Variants in PRSS23 observed in about 807,000 individuals in gnomAD.
The protein encoded by PRSS23 is serine protease 23.
Under a neutral mutation model 34.7 loss-of-function variants are expected in PRSS23, and 25 were observed. That is an observed-to-expected ratio of 0.72 (90% confidence interval 0.53 to 1.01). The LOEUF (loss-of-function observed/expected upper bound fraction) is 1.01, where lower values mean the gene tolerates loss of function less well. PRSS23 is among the 50% of genes least tolerant of loss of function. The pLI is 0.00. For synonymous variants in PRSS23, 176 were observed against 186.6 expected (o/e 0.94, Z 0.46); for missense variants, 445 against 475.6 (o/e 0.94, Z 0.60).
At position 86,934,707 on chromosome 11, in the gene PRSS23, C is replaced by CT. The variant is rs1474411821; in HGVS notation, c.207-16508dup. 4 of 152,396 alleles carry CT rather than the reference C, an allele frequency of 2.6e-5. No homozygotes were observed. In the East Asian group the frequency reaches 7.7e-4, roughly 29 times the overall value. 9.4% of individuals were successfully genotyped at this position (152,396 alleles called of 1,614,324 possible). A position where few individuals can be genotyped will look rare whatever the true frequency, so the allele number is the denominator to read the frequency against. ...TCAAGTTTTTGTTTTTCTTCCCAAG[C>CT]TGGTTCCTTACAAATGCATCCAGAA... On this transcript the variant is annotated intron_variant, in intron 2 of 2. Coordinates refer to the PRSS23 transcript ENST00000533902.
At chr11:86,852,167 C>T (rs780047591) in intron 2 of PRSS23, among the ~76,000 whole-genome samples, 2 of 152,058 alleles carry the variant, frequency 1.3e-5, no homozygotes, top group African/African-American at 2.4e-5. Context: ...GCGTGGTGCA[C>T]GATGGAGTCT....
At chr11:86,822,355 T>A (rs1300842838) in intron 1 of PRSS23, among the ~76,000 whole-genome samples, 1 of 152,190 alleles carries the variant, frequency 6.6e-6, no homozygotes, top group Non-Finnish European at 1.5e-5. Context: ...GCATGGTGGC[T>A]CACGCCTGTA....
intron 2 of PRSS23, among the ~76,000 whole-genome samples, chr11:86,931,162 T>A (rs1029780749): frequency 2.0e-5 from 3 of 152,234 alleles, no homozygotes; most frequent in African/African-American, 7.2e-5. Flanking sequence ...CAAACTACTT[T>A]GGAAAACTGT....
At chr11:86,896,540 C>T (rs1056003578) in intron 2 of PRSS23, 1 of 152,198 alleles carries the variant, frequency 6.6e-6, no homozygotes, top group Non-Finnish European at 1.5e-5. Context: ...AGGTTTAGAT[C>T]CTGCATGATA....
intron 2 of PRSS23, chr11:86,832,835 C>A: frequency 3.4e-6 from 1 of 298,396 alleles, no homozygotes; most frequent in Non-Finnish European, 6.5e-6. Context: ...AGGAAGAAAA[C>A]CAAATATGGC....
At chr11:86,928,451 A>T (rs1949098267) in intron 2 of PRSS23, among the ~76,000 whole-genome samples, 2 of 148,266 alleles carry the variant, frequency 1.3e-5, no homozygotes, top group South Asian at 4.2e-4. Context: ...TGAGGCAGGC[A>T]GATCATGAGG....
chr11:86,879,660 T>G, intron 2 of PRSS23, among the ~76,000 whole-genome samples: 1 of 114,078 alleles, frequency 8.8e-6, no homozygotes, highest in Non-Finnish European at 1.8e-5. Flanking sequence ...AGCCGCCCCG[T>G]CCGGGAAGGA....
chr11:86,813,628 CAGA>C (rs1244768471), downstream of PRSS23, among the ~76,000 whole-genome samples: 3 of 152,144 alleles, frequency 2.0e-5, no homozygotes, highest in Non-Finnish European at 4.4e-5. Flanking sequence ...ATTTTAAAAT[CAGA>C]AGAAGAAAGT....
intron 2 of PRSS23, among the ~76,000 whole-genome samples, chr11:86,902,452 G>A (rs1214009044): frequency 1.3e-5 from 2 of 152,166 alleles, no homozygotes; most frequent in African/African-American, 4.8e-5. Flanking sequence ...CCTCACCCAA[G>A]CTTCGGCCAC....
At chr11:86,824,614 A>T (rs959210031) in intron 2 of PRSS23, among the ~76,000 whole-genome samples, 3 of 141,306 alleles carry the variant, frequency 2.1e-5, no homozygotes, top group African/African-American at 5.2e-5. Flanking sequence ...TATCTCCTAA[A>T]GCTATCCCTC....
intron 2 of PRSS23, among the ~76,000 whole-genome samples, chr11:86,912,829 A>T (rs896092205): frequency 6.6e-6 from 1 of 152,148 alleles, no homozygotes; most frequent in African/African-American, 2.4e-5. Context: ...TCTTTATAAT[A>T]ATTTTGGATT....
rs1346009599 is a variant in PRSS23, at chr11:86,939,424, A to ATT, written c.207-11791_207-11790insTT. Among the ~76,000 whole-genome samples, 174 of 83,972 alleles carry ATT rather than the reference A, an allele frequency of 2.1e-3. 1 individual carries two copies. Among genetic ancestry groups the ATT allele is most frequent in the African/African-American group, 5.4e-3 (152 of 28,016 alleles). 55.1% of individuals were successfully genotyped at this position (83,972 alleles called of 152,430 possible). Reference sequence around the variant, plus strand: ...AAAAAATATATATATATATATATATATATTTTTTAACATGAGTAAAAATTG... The same window carrying ATT: ...AAAAAATATATATATATATATATATATTTATTTTTTAACATGAGTAAAAATTG... On this transcript the variant is annotated intron_variant, in intron 2 of 2. Coordinates refer to the PRSS23 transcript ENST00000533902.
At chr11:86,881,017 T>A (rs1948769036) in intron 2 of PRSS23, among the ~76,000 whole-genome samples, 1 of 152,192 alleles carries the variant, frequency 6.6e-6, no homozygotes, top group African/African-American at 2.4e-5. Context: ...TCCTTTCCAA[T>A]CTCGATTATT....
chr11:86,858,841 T>C (rs1016278161), intron 2 of PRSS23, among the ~76,000 whole-genome samples: 1 of 151,274 alleles, frequency 6.6e-6, no homozygotes, highest in African/African-American at 2.4e-5. Context: ...AGGGAGAGGA[T>C]AATATTACAT....
At position 86,951,586 on chromosome 11, in the gene PRSS23, G is replaced by A. The variant is rs747925802; in HGVS notation, c.*301G>A. Reference sequence around the variant, plus strand: ...AATAAGTAAAGAGGGGAGCCACCACGAACCCGGTGAGGGCATCGAGATTTT... The same window carrying A: ...AATAAGTAAAGAGGGGAGCCACCACAAACCCGGTGAGGGCATCGAGATTTT... On this transcript the variant is annotated 3_prime_UTR_variant, in exon 3 of 3. Coordinates refer to the PRSS23 transcript ENST00000533902. The A allele has an allele frequency of 1.7e-5, 27 of 1,613,854 alleles. No homozygotes were observed. In the African/African-American group the frequency reaches 2.1e-4, roughly 13 times the overall value.
intron 2 of PRSS23, among the ~76,000 whole-genome samples, chr11:86,908,044 G>A (rs1948955298): frequency 6.6e-6 from 1 of 152,168 alleles, no homozygotes; most frequent in Non-Finnish European, 1.5e-5. Context: ...TGTTGCATAT[G>A]GCAGGATTTC....
chr11:86,939,422 A>ATTTT (rs1395492928), intron 2 of PRSS23, among the ~76,000 whole-genome samples: 28 of 88,716 alleles, frequency 3.2e-4, no homozygotes, highest in African/African-American at 9.9e-4. Flanking sequence ...ATATATATAT[A>ATTTT]TATATTTTTT....
At chr11:86,913,555 A>C (rs1948992130) in intron 2 of PRSS23, among the ~76,000 whole-genome samples, 1 of 151,524 alleles carries the variant, frequency 6.6e-6, no homozygotes, top group Non-Finnish European at 1.5e-5. Context: ...GAGACTAGGG[A>C]TAGAGAAACC....
intron 2 of PRSS23, among the ~76,000 whole-genome samples, chr11:86,875,718 C>G (rs928750655): frequency 6.6e-6 from 1 of 152,178 alleles, no homozygotes; most frequent in Non-Finnish European, 1.5e-5. Context: ...CAGAGACCTC[C>G]AATCCCATCA....
Sources: allele counts gnomAD v4.1 joint callset (sites outside exome capture counted in the v4.1 genomes callset), GRCh38; gene constraint gnomAD v4.1.1; transcripts MANE v1.5; gene names NCBI Gene and HGNC (gene_info 2026-07-23, HGNC 2026-07-21).